HDAC2: variants seen among roughly 807,000 people sequenced by gnomAD.
HDAC2 encodes the protein YY1-associated factor 1.
Under a neutral mutation model 68.5 loss-of-function variants are expected in HDAC2, and 5 were observed. The ratio of observed to expected loss-of-function variants is 0.07; its 90% CI spans 0.04 to 0.15. The LOEUF (loss-of-function observed/expected upper bound fraction) is 0.15. Ranked by LOEUF, HDAC2 falls within the 10% of genes least tolerant of loss-of-function variation. The pLI is 1.00. For synonymous variants in HDAC2, 182 were observed against 191.3 expected, an observed-to-expected ratio of 0.95 and a Z score of 0.40; for missense variants, 291 against 600.8, an observed-to-expected ratio of 0.48 and a Z score of 5.39.
At chr6:113,969,483 ACAC>A (rs1776921204) in intron 1 of HDAC2, among the ~76,000 whole-genome samples, 2 of 152,260 alleles carry the variant, frequency 1.3e-5, no homozygotes, top group African/African-American at 4.8e-5. Context: ...GATTTACAAT[ACAC>A]CACATGTAGG....
At chr6:113,960,155 T>C in intron 1 of HDAC2, 137 bp from the exon 2 acceptor site, 1 of 642,292 alleles carries the variant, frequency 1.6e-6, no homozygotes, top group East Asian at 2.8e-5. Context: ...CTTAGATTTA[T>C]TTTGCAACTT....
At chr6:113,969,319 A>G (rs1019739367) in intron 1 of HDAC2, among the ~76,000 whole-genome samples, 7 of 152,206 alleles carry the variant, frequency 4.6e-5, no homozygotes, top group African/African-American at 1.7e-4. Context: ...AAGATTTCAG[A>G]TTTTCCCCAA....
At chr6:113,962,891 G>A (rs1776721056) in intron 1 of HDAC2, among the ~76,000 whole-genome samples, 1 of 150,278 alleles carries the variant, frequency 6.7e-6, no homozygotes, top group African/African-American at 2.4e-5. Context: ...TTGAACCCAG[G>A]AGGCGGAGGT....
At chr6:113,965,442 C>A (rs1430705936) in intron 1 of HDAC2, among the ~76,000 whole-genome samples, 1 of 151,956 alleles carries the variant, frequency 6.6e-6, no homozygotes, top group East Asian at 1.9e-4. Flanking sequence ...TCTCGGCTCA[C>A]TGCAACCTCT....
chr6:113,950,514 T>C (rs1041868747), intron 6 of HDAC2, among the ~76,000 whole-genome samples: 3 of 151,838 alleles, frequency 2.0e-5, no homozygotes, highest in African/African-American at 7.3e-5. Context: ...TGTCTCGGCC[T>C]CCTGAGTTGC....
Position 113,939,977 on chromosome 6 carries a change from G to T in HDAC2, c.*1081C>A, listed in dbSNP as rs1776094182. On this transcript the variant is annotated 3_prime_UTR_variant, in exon 14 of 14. Transcript: ENST00000519065. ...TTTTTAATCTCAAAAGAATCAATGTGGGCCTGACAAAAAGGGAGATTTCAC... is the reference window on the plus strand; with the variant it reads ...TTTTTAATCTCAAAAGAATCAATGTTGGCCTGACAAAAAGGGAGATTTCAC... 6.6e-6 allele frequency: 1 copy of T among 152,092 alleles called. No individual in the cohort carries two copies. The highest frequency in any genetic ancestry group is 2.1e-4 in the South Asian group (1 of 4,818). 9.4% of individuals were successfully genotyped at this position (152,092 alleles called of 1,614,324 possible).
intron 13 of HDAC2, 55 bp downstream of exon 13, chr6:113,941,653 C>A: frequency 1.5e-6 from 1 of 671,334 alleles, no homozygotes. Flanking sequence ...CACCAATAAA[C>A]ATGTTTAGTA....
Position 113,939,100 on chromosome 6 carries a change from G to C in HDAC2, c.*1958C>G, listed in dbSNP as rs1384131607. On this transcript the variant is annotated 3_prime_UTR_variant, in exon 14 of 14. Coordinates refer to ENST00000519065, the MANE Select transcript of HDAC2 (RefSeq NM_001527.4). ...AAGGGCCTTTGTCTCCTGGCACCCG[G>C]ATACTGAGCTCAGTTTCCGTCTTCA... is the stretch of plus-strand genomic sequence containing the variant. 1.3e-5 allele frequency: 2 copies of C among 152,128 alleles called. No individual in the cohort carries two copies. The highest frequency in any genetic ancestry group is 4.8e-5 in the African/African-American group (2 of 41,402). 9.4% of individuals were successfully genotyped at this position (152,128 alleles called of 1,614,324 possible).
chr6:113,960,193 T>G (rs1776647944), intron 1 of HDAC2, among the ~76,000 whole-genome samples, 175 bp from the exon 2 acceptor site: 2 of 152,080 alleles, frequency 1.3e-5, no homozygotes, highest in Admixed American at 1.3e-4. Context: ...ACTAAGACGC[T>G]ACGCACACTT....
In HDAC2 at chr6:113,941,854, TA is replaced by T. The variant is rs1286051277; in HGVS notation, c.1379-90del. ...TTCAAAATATACTTTATTTTTAAAA[TA>T]TAAAAAGTTATGCAATCTTATTATT... On this transcript the variant is annotated intron_variant, in intron 12 of 13. Transcript: ENST00000519065. 247 of 373,006 alleles carry T rather than the reference TA, an allele frequency of 6.6e-4. 2 individuals are homozygous for T. The highest frequency in any genetic ancestry group is 8.5e-4 in the Non-Finnish European group (186 of 217,804). 23.1% of individuals were successfully genotyped at this position (373,006 alleles called of 1,614,324 possible).
At chr6:113,942,901 T>A (rs1776169656) in intron 12 of HDAC2, among the ~76,000 whole-genome samples, 1 of 152,194 alleles carries the variant, frequency 6.6e-6, no homozygotes, top group Non-Finnish European at 1.5e-5. Context: ...CTTCAATTTC[T>A]GAACAAAATC....
chr6:113,956,441 T>A, intron 4 of HDAC2, 178 bp downstream of exon 4: 1 of 590,846 alleles, frequency 1.7e-6, no homozygotes, highest in Non-Finnish European at 3.0e-6. Flanking sequence ...AAAAAGCGTT[T>A]AAGTCATAAT....
chr6:113,945,384 G>A lies in HDAC2; in HGVS notation c.1069C>T (p.Pro357Ser). The change falls in exon 10 of 14, where the codon CCA becomes TCA. Residue 357 changes from proline to serine, a missense_variant. By Grantham distance (74) the Pro-to-Ser change is moderately conservative. Coordinates refer to ENST00000519065, the MANE Select transcript of HDAC2 (RefSeq NM_001527.4). ...TACTTTATCTTTTCCATATATTCTG[G>A]AGTGTTCTGGTTTGTCATGTTTGAA... is the stretch of plus-strand genomic sequence containing the variant. ...SPSNMTNQNTPEYMEKIKQRL... is the reference protein window; with the variant it reads ...SPSNMTNQNTSEYMEKIKQRL... 1 of 1,464,210 alleles carries A rather than the reference G, an allele frequency of 6.8e-7. No homozygotes were observed. The highest frequency in any genetic ancestry group is 2.3e-5 in the East Asian group (1 of 43,978). 90.7% of individuals were successfully genotyped at this position (1,464,210 alleles called of 1,614,324 possible).
At position 113,935,609 on chromosome 6, in the gene HDAC2, C is replaced by T. The variant is rs1466033700; in HGVS notation, c.*5449G>A. On this transcript the variant is annotated 3_prime_UTR_variant, in exon 14 of 14. Transcript: ENST00000519065. ...TGTTCAACTCACTCCTAAATACAAA[C>T]CACTGGCTGCAAAATGGGTCTGGCC... 5 of 152,176 alleles carry T rather than the reference C, an allele frequency of 3.3e-5. No homozygotes were observed. Among genetic ancestry groups the T allele is most frequent in the Non-Finnish European group, 7.4e-5 (5 of 68,018 alleles). 9.4% of individuals were successfully genotyped at this position (152,176 alleles called of 1,614,324 possible).
chr6:113,944,539 T>C (rs948632110), intron 10 of HDAC2, 129 bp from the exon 11 acceptor site: 7 of 734,870 alleles, frequency 9.5e-6, no homozygotes, highest in Admixed American at 5.5e-5. Flanking sequence ...AGGTCTCTCT[T>C]TGTTGCCCAG....
intron 13 of HDAC2, 72 bp from the exon 14 acceptor site, chr6:113,941,160 G>C: frequency 8.9e-7 from 1 of 1,121,136 alleles, no homozygotes; most frequent in Non-Finnish European, 1.3e-6. Context: ...CTATTATATT[G>C]ATCAGGTCCT....
chr6:113,963,403 A>G (rs1776737590), intron 1 of HDAC2, among the ~76,000 whole-genome samples: 1 of 152,158 alleles, frequency 6.6e-6, no homozygotes, highest in Admixed American at 6.5e-5. Flanking sequence ...ATAAAGTATA[A>G]AAAGGCTAAG....
chr6:113,954,983 G>C (rs1776514668), intron 5 of HDAC2, among the ~76,000 whole-genome samples: 1 of 152,096 alleles, frequency 6.6e-6, no homozygotes, highest in Non-Finnish European at 1.5e-5. Flanking sequence ...AGAGAACAAA[G>C]CCTCATTCAG....
chr6:113,971,118 G>T lies in HDAC2; in HGVS notation c.-210C>A. The T allele has an allele frequency of 6.5e-7, 1 of 1,545,010 alleles. No individual in the cohort carries two copies. Among genetic ancestry groups the T allele is most frequent in the Non-Finnish European group, 8.7e-7 (1 of 1,143,804 alleles). On this transcript the variant is annotated 5_prime_UTR_variant, in exon 1 of 14. Transcript: ENST00000519065. ...GAGGTGCCGAAAGCTCGGAATCGGA[G>T]GTGGCAGCGGCACCAACTCGCGAGG...
Sources: allele counts gnomAD v4.1 joint callset (sites outside exome capture counted in the v4.1 genomes callset), GRCh38; gene constraint gnomAD v4.1.1; transcripts MANE v1.5; gene names NCBI Gene and HGNC (gene_info 2026-07-23, HGNC 2026-07-21).